SUZ12: variants seen among roughly 807,000 people sequenced by gnomAD.
The protein encoded by SUZ12 is polycomb protein SUZ12.
SUZ12 carries 17 observed loss-of-function variants against 87.3 expected under a neutral mutation model. The observed-to-expected ratio is 0.19, with a 90% CI of 0.13 to 0.29. The LOEUF (loss-of-function observed/expected upper bound fraction) is 0.29. SUZ12 is among the 10% of genes least tolerant of loss of function. SUZ12 has a pLI of 1.00. For missense variants in SUZ12, 526 were observed against 912.2 expected, an observed-to-expected ratio of 0.58 and a Z score of 5.45; for synonymous variants, 253 against 312.4, an observed-to-expected ratio of 0.81 and a Z score of 2.01.
At chr17:31,963,227 C>T (rs868600448) in intron 4 of SUZ12, among the ~76,000 whole-genome samples, 3 of 151,598 alleles carry the variant, frequency 2.0e-5, no homozygotes, top group Admixed American at 6.6e-5. Flanking sequence ...TCACTGCAGC[C>T]TCCACCTCCT....
At chr17:31,962,751 C>T (rs1477325032) in intron 4 of SUZ12, among the ~76,000 whole-genome samples, 6 of 152,216 alleles carry the variant, frequency 3.9e-5, no homozygotes, top group Admixed American at 3.3e-4. Context: ...TTTCGTAGAA[C>T]AGGAAATGAG....
intron 10 of SUZ12, among the ~76,000 whole-genome samples, chr17:31,992,165 G>A (rs1160908829): frequency 4.0e-5 from 6 of 151,652 alleles, no homozygotes; most frequent in Non-Finnish European, 8.8e-5. Flanking sequence ...GGTGGCGGGC[G>A]CCTGTAATCC....
chr17:31,984,008 T>C (rs1170746129), intron 9 of SUZ12, among the ~76,000 whole-genome samples: 1 of 152,196 alleles, frequency 6.6e-6, no homozygotes, highest in Non-Finnish European at 1.5e-5. Flanking sequence ...CTCATAAGGA[T>C]TTTTTTAAGC....
intron 9 of SUZ12, among the ~76,000 whole-genome samples, chr17:31,987,140 C>T (rs571123347): frequency 4.2e-4 from 64 of 151,528 alleles, no homozygotes; most frequent in African/African-American, 1.3e-3. Flanking sequence ...GCATGAGAAA[C>T]GAAAGGATAG....
chr17:31,989,351 A>G (rs984321931), intron 10 of SUZ12, among the ~76,000 whole-genome samples: 1 of 152,138 alleles, frequency 6.6e-6, no homozygotes, highest in Non-Finnish European at 1.5e-5. Flanking sequence ...CTTTATCCAG[A>G]ACCTTTGTGC....
intron 4 of SUZ12, among the ~76,000 whole-genome samples, chr17:31,950,718 A>G (rs1906916509): frequency 1.3e-5 from 2 of 152,212 alleles, no homozygotes; most frequent in Non-Finnish European, 2.9e-5. Flanking sequence ...TTGTTGTTCC[A>G]TAACATTAGT....
Position 31,974,667 on chromosome 17 carries a change from A to T in SUZ12, c.592-815A>T, listed in dbSNP as rs181805081. Among the ~76,000 whole-genome samples, 4 of 152,350 alleles carry T rather than the reference A, an allele frequency of 2.6e-5. No homozygotes were observed. The East Asian group carries it at 7.7e-4, about 29-fold the overall frequency. ...TTTTCCTGGAAGAATATACACAGCCAACTGCTAGTATTAGTCATCTCCGGA... is the reference window on the plus strand; with the variant it reads ...TTTTCCTGGAAGAATATACACAGCCTACTGCTAGTATTAGTCATCTCCGGA... On this transcript the variant is annotated intron_variant, in intron 6 of 15. Transcript: ENST00000322652.
chr17:31,998,076 A>AC (rs1476403774), intron 15 of SUZ12, among the ~76,000 whole-genome samples: 3 of 147,162 alleles, frequency 2.0e-5, no homozygotes, highest in African/African-American at 7.7e-5. Flanking sequence ...TGTCTCTACT[A>AC]AATTTTTTTT....
chr17:31,964,495 C>T (rs1382724052), intron 4 of SUZ12, among the ~76,000 whole-genome samples: 3 of 151,792 alleles, frequency 2.0e-5, no homozygotes, highest in African/African-American at 7.3e-5. Context: ...TAACCTCTGC[C>T]TCCTAGGTTC....
At chr17:31,986,326 T>TTTTTG (rs1001966350) in intron 9 of SUZ12, among the ~76,000 whole-genome samples, 4 of 152,178 alleles carry the variant, frequency 2.6e-5, no homozygotes, top group East Asian at 1.9e-4. Flanking sequence ...GTTCTGAGAT[T>TTTTTG]TTTTGTTTTG....
chr17:31,944,513 C>T (rs1212258375), intron 3 of SUZ12, among the ~76,000 whole-genome samples: 1 of 151,942 alleles, frequency 6.6e-6, no homozygotes, highest in Non-Finnish European at 1.5e-5. Flanking sequence ...CTGTTGTCCG[C>T]ATGGGTAGAG....
chr17:31,991,145 C>T (rs996650593), intron 10 of SUZ12, among the ~76,000 whole-genome samples: 10 of 152,082 alleles, frequency 6.6e-5, no homozygotes, highest in South Asian at 2.1e-4. Flanking sequence ...AGGCAGAAGG[C>T]GTAAGTTGTC....
chr17:31,988,055 G>A (rs1055267546), intron 9 of SUZ12, among the ~76,000 whole-genome samples: 2 of 152,116 alleles, frequency 1.3e-5, no homozygotes, highest in African/African-American at 2.4e-5. Context: ...TGTGTTGGAC[G>A]AGTGTTTTCA....
At chr17:31,938,634 A>G (rs1183272102) in intron 1 of SUZ12, among the ~76,000 whole-genome samples, 1 of 152,242 alleles carries the variant, frequency 6.6e-6, no homozygotes, top group South Asian at 2.1e-4. Flanking sequence ...ATACTTTGAA[A>G]TATCTAGAGA....
intron 3 of SUZ12, among the ~76,000 whole-genome samples, chr17:31,946,532 TCAAAAACAAAACAAA>T (rs1462167553): frequency 6.6e-6 from 1 of 152,100 alleles, no homozygotes. Flanking sequence ...CACTCCCATC[TCAAAAACAAAACAAA>T]CAAAAACAAA....
chr17:31,952,443 A>T (rs978995691), intron 4 of SUZ12, among the ~76,000 whole-genome samples: 2 of 152,036 alleles, frequency 1.3e-5, no homozygotes, highest in African/African-American at 4.8e-5. Context: ...TGAATTTTTC[A>T]TGGATTTTGA....
At position 31,996,872 on chromosome 17, in the gene SUZ12, G is replaced by A. The variant is rs771757079; in HGVS notation, c.1869G>A (p.Lys623=). The A allele has an allele frequency of 1.3e-6, 2 of 1,515,722 alleles. No homozygotes were observed. The highest frequency in any genetic ancestry group is 2.7e-5 in the South Asian group (2 of 72,892). The allele number at this position is 1,515,722 out of a possible 1,614,324, so 93.9% of individuals were successfully genotyped here. Residue 623 remains lysine, a synonymous_variant, in exon 15 of 16, where the codon AAG becomes AAA. Coordinates refer to ENST00000322652, the MANE Select transcript of SUZ12 (RefSeq NM_015355.4). ...AACTCTGGAATCTCCATGTCATGAA[G>A]CATGGGTAGGGTATTTCTAAATTAA... ...VMKLWNLHVM[K]HGFIADNQMN...
intron 9 of SUZ12, among the ~76,000 whole-genome samples, chr17:31,985,132 C>T (rs1909332755): frequency 7.5e-6 from 1 of 132,744 alleles, no homozygotes; most frequent in Non-Finnish European, 1.5e-5. Context: ...TCACTTTATC[C>T]GGGGAAACAG....
rs1418229533 is a variant in SUZ12 at position 31,937,535 on chromosome 17, G to A, written c.274+15G>A. The A allele has an allele frequency of 2.0e-6, 3 of 1,534,616 alleles. No homozygotes were observed. The East Asian group carries it at 7.4e-5, about 38-fold the overall frequency. ...GGCCTTTGAGAGTGAGTGTGTGCGAGGCTTTGAGGGCAGGAAGACCCACTC... is the reference window on the plus strand; with the variant it reads ...GGCCTTTGAGAGTGAGTGTGTGCGAAGCTTTGAGGGCAGGAAGACCCACTC... On this transcript the variant is annotated intron_variant, in intron 1 of 15. Coordinates refer to ENST00000322652, the MANE Select transcript of SUZ12 (RefSeq NM_015355.4).
Sources: allele counts gnomAD v4.1 joint callset (sites outside exome capture counted in the v4.1 genomes callset), GRCh38; gene constraint gnomAD v4.1.1; transcripts MANE v1.5; gene names NCBI Gene and HGNC (gene_info 2026-07-23, HGNC 2026-07-21).